Variants in MOBP observed in about 807,000 individuals in gnomAD.
MOBP encodes myelin associated oligodendrocyte basic protein, also known as myelin-associated oligodendrocyte basic protein.
Under a neutral mutation model 15.0 loss-of-function variants are expected in MOBP, and 5 were observed. The observed-to-expected ratio is 0.33, with a 90% confidence interval of 0.17 to 0.70. The LOEUF is 0.70. MOBP is among the 30% of genes least tolerant of loss of function. The pLI is 0.67. For synonymous variants in MOBP, 88 were observed against 99.0 expected (o/e 0.89, Z 0.66); for missense variants, 188 against 257.8 (o/e 0.73, Z 1.85).
At chr3:39,519,215 C>T (rs553122745), downstream of MOBP, among the ~76,000 whole-genome samples, 6 of 152,118 alleles carry the variant, frequency 3.9e-5, no homozygotes, top group Non-Finnish European at 7.3e-5. Flanking sequence ...ATTCACCCTG[C>T]GTTTCTTGAA....
intron 4 of MOBP, among the ~76,000 whole-genome samples, chr3:39,509,402 T>C (rs2043091284): frequency 6.6e-6 from 1 of 152,190 alleles, no homozygotes; most frequent in Non-Finnish European, 1.5e-5. Context: ...ATTTTATTCA[T>C]TCTGATAGGT....
downstream of MOBP, among the ~76,000 whole-genome samples, chr3:39,507,477 G>A (rs77356746): frequency 2.5e-3 from 380 of 152,306 alleles, 2 homozygotes; most frequent in African/African-American, 8.1e-3. Context: ...GGAGGGATTG[G>A]CCTTTGATGG....
Position 39,471,517 on chromosome 3 carries a change from T to C in MOBP, c.-89+3777T>C, listed in dbSNP as rs117241194. Among the ~76,000 whole-genome samples the C allele has an allele frequency of 5.3e-5, 8 of 152,324 alleles. No individual in the cohort carries two copies. The East Asian group carries it at 1.4e-3, about 26-fold the overall frequency. ...TAGGCACATCTGCTTTGGAGACCAC[T>C]GGGCTGACCCTTCCACCTTAACAAT... On this transcript the variant is annotated intron_variant, in intron 1 of 3. Coordinates refer to ENST00000684792, the MANE Select transcript of MOBP (RefSeq NM_001393704.1).
chr3:39,470,883 G>A (rs1323633893), intron 1 of MOBP, among the ~76,000 whole-genome samples: 2 of 152,112 alleles, frequency 1.3e-5, no homozygotes, highest in Non-Finnish European at 2.9e-5. Flanking sequence ...GAAAGAATAA[G>A]TTCAGCTAAA....
At chr3:39,493,871 T>A (rs601925) in intron 2 of MOBP, among the ~76,000 whole-genome samples, 3 of 151,964 alleles carry the variant, frequency 2.0e-5, no homozygotes, top group African/African-American at 7.3e-5. Flanking sequence ...GAAGGAACCC[T>A]ATGGGACAAG....
At chr3:39,488,898 T>C (rs2042754367) in intron 2 of MOBP, among the ~76,000 whole-genome samples, 1 of 152,252 alleles carries the variant, frequency 6.6e-6, no homozygotes, top group South Asian at 2.1e-4. Context: ...TAATCTATGT[T>C]GCAAGGAGCT....
downstream of MOBP, among the ~76,000 whole-genome samples, chr3:39,504,987 G>T (rs1273850038): frequency 6.6e-6 from 1 of 152,258 alleles, no homozygotes; most frequent in Non-Finnish European, 1.5e-5. Flanking sequence ...AAAAACCAGA[G>T]AATGATTTAA....
At chr3:39,488,111 GT>G (rs1425575988) in intron 2 of MOBP, among the ~76,000 whole-genome samples, 46 of 151,998 alleles carry the variant, frequency 3.0e-4, no homozygotes, top group Admixed American at 2.4e-3. Context: ...CAGGATTCTT[GT>G]TGCTATTGTG....
intron 4 of MOBP, among the ~76,000 whole-genome samples, chr3:39,509,376 A>G (rs1424036506): frequency 1.3e-5 from 2 of 152,188 alleles, no homozygotes; most frequent in Admixed American, 6.5e-5. Context: ...AACACTTGGT[A>G]CTATCAGCTT....
At chr3:39,523,517 C>T (rs553956644) in intron 3 of MOBP, among the ~76,000 whole-genome samples, 62 of 152,268 alleles carry the variant, frequency 4.1e-4, no homozygotes, top group African/African-American at 1.4e-3. Flanking sequence ...CTCTTCTGAT[C>T]CATGACAAGG....
chr3:39,497,495 A>G (rs1575306604), intron 2 of MOBP, among the ~76,000 whole-genome samples: 1 of 152,292 alleles, frequency 6.6e-6, no homozygotes, highest in Admixed American at 6.5e-5. Flanking sequence ...GGTTGAGTCT[A>G]TAGGAAGCAC....
At chr3:39,512,983 T>C (rs989564239) in intron 4 of MOBP, among the ~76,000 whole-genome samples, 1 of 152,246 alleles carries the variant, frequency 6.6e-6, no homozygotes, top group Non-Finnish European at 1.5e-5. Flanking sequence ...TGTTCACAAT[T>C]TTATAAGTGC....
chr3:39,498,130 G>A (rs1238090282), intron 2 of MOBP, among the ~76,000 whole-genome samples: 1 of 152,246 alleles, frequency 6.6e-6, no homozygotes, highest in Non-Finnish European at 1.5e-5. Context: ...TTAACAGCCT[G>A]TATTTCCAAG....
rs922583173 is a variant in MOBP at position 39,502,344 on chromosome 3, T to A, written c.206+69T>A. On this transcript the variant is annotated intron_variant, in intron 3 of 3. Coordinates refer to ENST00000684792, the MANE Select transcript of MOBP (RefSeq NM_001393704.1). The surrounding 1 kb of genome is among the most constrained non-coding windows in gnomAD (Gnocchi z 6.3). ...GTGGTCTCGGCTCCCAGCACGCCCCTCCCGCTCCGCACCCCACTCTTCCCC... is the reference window on the plus strand; with the variant it reads ...GTGGTCTCGGCTCCCAGCACGCCCCACCCGCTCCGCACCCCACTCTTCCCC... The A allele has an allele frequency of 1.1e-5, 17 of 1,598,848 alleles. No homozygotes were observed. Among genetic ancestry groups the A allele is most frequent in the Non-Finnish European group, 1.3e-5 (15 of 1,172,968 alleles).
intron 2 of MOBP, among the ~76,000 whole-genome samples, chr3:39,489,633 C>T (rs1194590981): frequency 2.0e-5 from 3 of 152,102 alleles, no homozygotes; most frequent in East Asian, 1.9e-4. Context: ...AAGAATTGCT[C>T]TCCAGGGTAC....
chr3:39,503,690 T>G (rs1699610315), downstream of MOBP, among the ~76,000 whole-genome samples: 1 of 102,622 alleles, frequency 9.7e-6, no homozygotes, highest in Non-Finnish European at 2.2e-5. Context: ...TTTACTGTTC[T>G]GAAGGTATAT....
At chr3:39,490,265 C>T (rs2042776294) in intron 2 of MOBP, among the ~76,000 whole-genome samples, 1 of 152,158 alleles carries the variant, frequency 6.6e-6, no homozygotes, top group Non-Finnish European at 1.5e-5. Flanking sequence ...TACAGTTTTT[C>T]ATGCATATTA....
chr3:39,518,531 A>G (rs549261662), downstream of MOBP, among the ~76,000 whole-genome samples: 14 of 152,262 alleles, frequency 9.2e-5, no homozygotes, highest in Middle Eastern at 6.8e-3. Flanking sequence ...TCATGCAGAA[A>G]GAAAGAGCTC....
At chr3:39,513,420 T>C in exon 5 of MOBP, 1 of 1,614,056 alleles carries the variant, frequency 6.2e-7, no homozygotes, top group Non-Finnish European at 8.5e-7. Flanking sequence ...AAAGAAGAAG[T>C]GACCAAGGAG....
Sources: gnomAD v4.1 joint callset for allele counts (sites outside exome capture counted in the v4.1 genomes callset) on GRCh38, gnomAD v4.1.1 for gene constraint, Gnocchi (gnomAD v3.1) non-coding constraint, MANE v1.5 for transcripts, NCBI Gene and HGNC (gene_info 2026-07-23, HGNC 2026-07-21) for gene names.